Variants in PAG1 observed in about 807,000 individuals in gnomAD.
PAG1 encodes the protein phosphoprotein associated with glycosphingolipid-enriched microdomains 1.
PAG1 carries 23 observed loss-of-function variants against 31.7 expected under a neutral mutation model. That is an observed-to-expected ratio of 0.73 (90% CI 0.52 to 1.03). PAG1 has a LOEUF of 1.03. Among genes scored for constraint, PAG1 ranks in the 50% least tolerant of loss-of-function variants. The pLI, the probability that PAG1 is intolerant of heterozygous loss-of-function variation, is 0.00. For synonymous variants in PAG1, 214 were observed against 210.3 expected, an observed-to-expected ratio of 1.02 and a Z score of -0.15; for missense variants, 473 against 540.7, an observed-to-expected ratio of 0.87 and a Z score of 1.24.
chr8:81,089,641 G>A (rs1482291976), intron 1 of PAG1, among the ~76,000 whole-genome samples: 1 of 151,976 alleles, frequency 6.6e-6, no homozygotes, highest in Non-Finnish European at 1.5e-5. Flanking sequence ...TGCCCTGCTG[G>A]GAGACATTAT....
At chr8:81,010,397 C>G (rs1807960919) in intron 3 of PAG1, among the ~76,000 whole-genome samples, 1 of 152,110 alleles carries the variant, frequency 6.6e-6, no homozygotes, top group Non-Finnish European at 1.5e-5. Flanking sequence ...GTAGTTTTCT[C>G]TGCATCCCTC....
At chr8:80,984,463 A>G (rs988632810) in intron 7 of PAG1, among the ~76,000 whole-genome samples, 1 of 152,174 alleles carries the variant, frequency 6.6e-6, no homozygotes, top group African/African-American at 2.4e-5. Flanking sequence ...TGTGTGGGCA[A>G]AGTGTCCAGT....
At chr8:81,025,426 C>T (rs1808258516) in intron 3 of PAG1, among the ~76,000 whole-genome samples, 1 of 152,188 alleles carries the variant, frequency 6.6e-6, no homozygotes, top group Admixed American at 6.5e-5. Context: ...CATCAAACTC[C>T]TCAGATTCCA....
intron 1 of PAG1, among the ~76,000 whole-genome samples, chr8:81,073,488 C>T (rs1470612880): frequency 6.6e-6 from 1 of 152,196 alleles, no homozygotes; most frequent in Non-Finnish European, 1.5e-5. Context: ...CCAAAAGTAT[C>T]CCTGAACAGG....
chr8:80,991,403 G>A, intron 5 of PAG1, 76 bp downstream of exon 5: 1 of 1,153,144 alleles, frequency 8.7e-7, no homozygotes, highest in Non-Finnish European at 1.3e-6. Flanking sequence ...GTGAGCACAT[G>A]GGAGCACACT....
chr8:81,080,937 C>G (rs11994993), intron 1 of PAG1, among the ~76,000 whole-genome samples: 1 of 151,872 alleles, frequency 6.6e-6, no homozygotes, highest in Non-Finnish European at 1.5e-5. Flanking sequence ...TGTCCTGCTG[C>G]GGAAAGATAC....
intron 3 of PAG1, among the ~76,000 whole-genome samples, chr8:81,013,307 C>G (rs993091272): frequency 1.3e-5 from 2 of 152,196 alleles, no homozygotes; most frequent in Non-Finnish European, 2.9e-5. Flanking sequence ...TGCCATGATC[C>G]CAGATCTGTA....
intron 3 of PAG1, among the ~76,000 whole-genome samples, chr8:80,995,942 A>G (rs1807664630): frequency 6.6e-6 from 1 of 152,262 alleles, no homozygotes. Context: ...GGATGGAACC[A>G]AGAGAAAATG....
intron 2 of PAG1, among the ~76,000 whole-genome samples, chr8:81,045,697 T>C (rs1563641429): frequency 6.6e-6 from 1 of 152,258 alleles, no homozygotes; most frequent in Non-Finnish European, 1.5e-5. Flanking sequence ...TGAAAGATAC[T>C]ATATCTCAAT....
chr8:81,077,609 T>G (rs1809200469), intron 1 of PAG1, among the ~76,000 whole-genome samples: 1 of 152,260 alleles, frequency 6.6e-6, no homozygotes. Context: ...ATGGCTGTAC[T>G]TTTGTCCACA....
chr8:81,080,025 C>T (rs989305482), intron 1 of PAG1, among the ~76,000 whole-genome samples: 1 of 152,084 alleles, frequency 6.6e-6, no homozygotes. Flanking sequence ...CCATCAAGGC[C>T]TCCCAAAGTG....
At chr8:80,999,601 G>C (rs1449472453) in intron 3 of PAG1, among the ~76,000 whole-genome samples, 8 of 152,206 alleles carry the variant, frequency 5.3e-5, no homozygotes, top group Admixed American at 1.3e-4. Flanking sequence ...CCTCATGGCT[G>C]TCTGTCAGCA....
At chr8:81,088,377 T>A (rs1037648382) in intron 1 of PAG1, among the ~76,000 whole-genome samples, 14 of 152,202 alleles carry the variant, frequency 9.2e-5, no homozygotes, top group Non-Finnish European at 1.8e-4. Flanking sequence ...TTTTTTCACC[T>A]CTCTTATTTT....
At chr8:80,992,687 A>C (rs1336171526) in intron 4 of PAG1, among the ~76,000 whole-genome samples, 1 of 152,216 alleles carries the variant, frequency 6.6e-6, no homozygotes, top group Non-Finnish European at 1.5e-5. Flanking sequence ...ACACATTTTT[A>C]ATCATAAACA....
chr8:81,035,797 T>G (rs781419708), intron 2 of PAG1, among the ~76,000 whole-genome samples: 2 of 151,966 alleles, frequency 1.3e-5, no homozygotes, highest in Non-Finnish European at 2.9e-5. Context: ...CTTATTTCTG[T>G]CCACCCACAT....
At chr8:81,105,300 A>G (rs1809676860) in intron 1 of PAG1, among the ~76,000 whole-genome samples, 1 of 152,150 alleles carries the variant, frequency 6.6e-6, no homozygotes, top group Non-Finnish European at 1.5e-5. Context: ...TCATCTAACA[A>G]TGTGCCTGGT....
intron 1 of PAG1, among the ~76,000 whole-genome samples, chr8:81,103,012 C>T (rs965932637): frequency 6.6e-6 from 1 of 152,082 alleles, no homozygotes; most frequent in Non-Finnish European, 1.5e-5. Context: ...ATTGCAATTG[C>T]TGAAAAATAA....
At chr8:81,068,865 T>C (rs1809050441) in intron 2 of PAG1, among the ~76,000 whole-genome samples, 1 of 152,242 alleles carries the variant, frequency 6.6e-6, no homozygotes, top group African/African-American at 2.4e-5. Context: ...CTAAAGTATA[T>C]AGATTCTTGA....
At chr8:81,016,895 C>G (rs767527086) in intron 3 of PAG1, among the ~76,000 whole-genome samples, 1 of 152,138 alleles carries the variant, frequency 6.6e-6, no homozygotes, top group Non-Finnish European at 1.5e-5. Context: ...ACTCCATATT[C>G]CAACAAATCT....
Sources: allele counts gnomAD v4.1 joint callset (sites outside exome capture counted in the v4.1 genomes callset), GRCh38; gene constraint gnomAD v4.1.1; transcripts MANE v1.5; gene names NCBI Gene and HGNC (gene_info 2026-07-23, HGNC 2026-07-21).